The following PKD1L1 variants were observed in gnomAD, a reference collection of about 807,000 sequenced individuals.
PKD1L1 encodes polycystin-1-like protein 1.
PKD1L1 carries 236 observed loss-of-function variants against 323.4 expected under a neutral mutation model. That is an observed-to-expected ratio of 0.73 (90% CI 0.66 to 0.81). The LOEUF (loss-of-function observed/expected upper bound fraction) is 0.81. PKD1L1 is among the 40% of genes least tolerant of loss of function. PKD1L1 has a pLI of 0.00. For missense variants in PKD1L1, 3,320 were observed against 3,508.0 expected, an observed-to-expected ratio of 0.95 and a Z score of 1.35; for synonymous variants, 1,344 against 1,335.0, an observed-to-expected ratio of 1.01 and a Z score of -0.15.
chr7:47,828,784 A>C (rs1238637004), intron 44 of PKD1L1, among the ~76,000 whole-genome samples: 1 of 152,122 alleles, frequency 6.6e-6, no homozygotes, highest in Non-Finnish European at 1.5e-5. Flanking sequence ...CTTTGCGAGG[A>C]GGAGGGTGGA....
At chr7:47,808,105 C>A in intron 52 of PKD1L1, 142 bp downstream of exon 52, 1 of 1,072,354 alleles carries the variant, frequency 9.3e-7, no homozygotes. Context: ...CTGGCCACTC[C>A]CATCTGCCAG....
intron 7 of PKD1L1, among the ~76,000 whole-genome samples, chr7:47,918,471 AC>A (rs375763075): frequency 0.089 from 13,081 of 147,754 alleles, 1,947 homozygotes; most frequent in African/African-American, 0.33. Flanking sequence ...AAAGTCAACA[AC>A]AAAAAAAAAA....
chr7:47,813,056 C>T, intron 49 of PKD1L1, 65 bp downstream of exon 49: 1 of 1,565,604 alleles, frequency 6.4e-7, no homozygotes, highest in Admixed American at 1.8e-5. Flanking sequence ...CTGCGTCCAG[C>T]AGGCACCAGA....
chr7:47,817,741 GC>G (rs1785050770), intron 46 of PKD1L1, among the ~76,000 whole-genome samples: 1 of 152,034 alleles, frequency 6.6e-6, no homozygotes, highest in Admixed American at 6.5e-5. Flanking sequence ...ATGGTGATGG[GC>G]GCCTGTAGTC....
intron 28 of PKD1L1, among the ~76,000 whole-genome samples, chr7:47,856,103 T>C (rs1785898890): frequency 6.6e-6 from 1 of 151,970 alleles, no homozygotes; most frequent in South Asian, 2.1e-4. Flanking sequence ...AGTGGTGTGA[T>C]CTCAGCTCAC....
intron 56 of PKD1L1, among the ~76,000 whole-genome samples, chr7:47,777,471 T>C (rs1428760551): frequency 1.3e-5 from 2 of 152,342 alleles, no homozygotes; most frequent in Non-Finnish European, 1.5e-5. Context: ...AATGCAGAGA[T>C]GGCATCTGCC....
chr7:47,833,459 G>A (rs1161045508), intron 40 of PKD1L1, among the ~76,000 whole-genome samples: 1 of 152,140 alleles, frequency 6.6e-6, no homozygotes, highest in African/African-American at 2.4e-5. Flanking sequence ...GACGGTGGGT[G>A]CCCCTGGGGA....
At chr7:47,894,992 A>C (rs77506067) in intron 14 of PKD1L1, among the ~76,000 whole-genome samples, 1 of 152,276 alleles carries the variant, frequency 6.6e-6, no homozygotes, top group Non-Finnish European at 1.5e-5. Context: ...CCTGAGTAGG[A>C]CCAAAGACAA....
At chr7:47,824,154 G>C (rs571934969) in intron 45 of PKD1L1, among the ~76,000 whole-genome samples, 1 of 152,166 alleles carries the variant, frequency 6.6e-6, no homozygotes, top group African/African-American at 2.4e-5. Flanking sequence ...AATTCTTTTT[G>C]GTGGACCAAA....
intron 45 of PKD1L1, among the ~76,000 whole-genome samples, chr7:47,822,964 T>G (rs990937288): frequency 4.6e-5 from 7 of 150,718 alleles, no homozygotes; most frequent in East Asian, 1.9e-4. Flanking sequence ...TTTTTTTTTT[T>G]GTAAATTATT....
At chr7:47,836,196 C>CCAGGTATG (rs1785453558) in intron 37 of PKD1L1, among the ~76,000 whole-genome samples, 1 of 152,138 alleles carries the variant, frequency 6.6e-6, no homozygotes, top group Non-Finnish European at 1.5e-5. Context: ...GTTATTGGAT[C>CCAGGTATG]TCTCTGATAC....
chr7:47,836,900 A>T (rs1785469010), intron 37 of PKD1L1, 21 bp downstream of exon 37: 1 of 1,608,624 alleles, frequency 6.2e-7, no homozygotes, highest in African/African-American at 1.3e-5. Flanking sequence ...AGCTGCTATA[A>T]GGAAAAGCGA....
chr7:47,873,950 A>G lies in PKD1L1; in HGVS notation c.3845T>C (p.Val1282Ala). 1 of 1,614,066 alleles carries G rather than the reference A, an allele frequency of 6.2e-7. No individual in the cohort carries two copies. The highest frequency in any genetic ancestry group is 2.2e-5 in the East Asian group (1 of 44,874). ...ATGGTAGCGGGGCAGCACAGTCACCACCACAGTGCACGGCTGGACCTTGGA... is the reference window on the plus strand; with the variant it reads ...ATGGTAGCGGGGCAGCACAGTCACCGCCACAGTGCACGGCTGGACCTTGGA... ...KGSKVQPCTV[V>A]VTVLPRYHGN... is the part of the protein sequence containing the mutation. Residue 1282 changes from valine (V) to alanine (A), a missense_variant, in exon 24 of 57, where the codon GTG (valine) becomes GCG (alanine). Val to Ala is a moderately conservative substitution (Grantham distance 64, BLOSUM62 0). Transcript: ENST00000289672.
chr7:47,835,870 C>T (rs573129703), intron 37 of PKD1L1, among the ~76,000 whole-genome samples: 2 of 152,146 alleles, frequency 1.3e-5, no homozygotes, highest in South Asian at 2.1e-4. Flanking sequence ...TTATACAAAT[C>T]GTTTTGGATT....
chr7:47,927,890 T>C (rs748876240), intron 7 of PKD1L1, among the ~76,000 whole-genome samples: 6 of 152,178 alleles, frequency 3.9e-5, no homozygotes, highest in Non-Finnish European at 5.9e-5. Flanking sequence ...TGCAATGTTG[T>C]TTGCAATGCT....
intron 16 of PKD1L1, among the ~76,000 whole-genome samples, chr7:47,889,204 T>C (rs910874655): frequency 1.3e-5 from 2 of 152,084 alleles, no homozygotes; most frequent in African/African-American, 4.8e-5. Flanking sequence ...GGGGACATCA[T>C]CCACATAGGC....
At chr7:47,865,840 C>G (rs1265137014) in intron 25 of PKD1L1, among the ~76,000 whole-genome samples, 1 of 151,798 alleles carries the variant, frequency 6.6e-6, no homozygotes, top group Admixed American at 6.6e-5. Flanking sequence ...CGTGATCTGC[C>G]TGCCTTGGCC....
rs757681313 is a variant in PKD1L1 at position 47,946,493 on chromosome 7, CCACA to C, written c.44+1900_44+1903del. ...CATCGCACACACCACACACCACGCA[CCACA>C]CAAACACACCATACACACAAACACC... On this transcript the variant is annotated intron_variant, in intron 1 of 56. Coordinates refer to ENST00000289672, the MANE Select transcript of PKD1L1 (RefSeq NM_138295.5). The surrounding 1 kb of genome is among the most constrained non-coding windows in gnomAD (Gnocchi z 4.1). Among the ~76,000 whole-genome samples, 8 of 111,040 alleles carry C rather than the reference CCACA, an allele frequency of 7.2e-5. No individual in the cohort carries two copies. Among genetic ancestry groups the C allele is most frequent in the Admixed American group, 1.9e-4 (2 of 10,622 alleles). The allele number at this position is 111,040 out of a possible 152,430, so 72.8% of individuals were successfully genotyped here. A position where few individuals can be genotyped will look rare whatever the true frequency, so the allele number is the denominator to read the frequency against.
chr7:47,884,807 G>A, intron 18 of PKD1L1, 150 bp from the exon 19 acceptor site: 1 of 719,882 alleles, frequency 1.4e-6, no homozygotes, highest in South Asian at 1.8e-5. Flanking sequence ...CTCAGTGGTG[G>A]TGTCTTCCCT....
Sources: allele counts gnomAD v4.1 joint callset (sites outside exome capture counted in the v4.1 genomes callset), GRCh38; gene constraint gnomAD v4.1.1; non-coding constraint Gnocchi (gnomAD v3.1); transcripts MANE v1.5; gene names NCBI Gene and HGNC (gene_info 2026-07-23, HGNC 2026-07-21).